The following AZIN1 variants were observed in gnomAD, a reference collection of about 807,000 sequenced individuals.
AZIN1 encodes ornithine decarboxylase antizyme inhibitor.
A neutral mutation model predicts 47.4 loss-of-function variants in AZIN1; 12 were observed. The observed-to-expected ratio is 0.25, with a 90% CI of 0.16 to 0.41. The LOEUF is 0.41. AZIN1 is among the 10% of genes least tolerant of loss of function. AZIN1 has a pLI of 1.00. For synonymous variants in AZIN1, 155 were observed against 176.3 expected, an observed-to-expected ratio of 0.88 and a Z score of 0.96; for missense variants, 410 against 532.4, an observed-to-expected ratio of 0.77 and a Z score of 2.26.
At chr8:102,845,904 A>AT (rs1361161041) in intron 2 of AZIN1, among the ~76,000 whole-genome samples, 2 of 152,064 alleles carry the variant, frequency 1.3e-5, no homozygotes, top group Admixed American at 6.6e-5. Flanking sequence ...AAACGAAACC[A>AT]TTTTTTTTCT....
At chr8:102,838,643 A>G in intron 5 of AZIN1, 101 bp downstream of exon 5, 1 of 924,388 alleles carries the variant, frequency 1.1e-6, no homozygotes, top group Non-Finnish European at 1.6e-6. Flanking sequence ...TATGATACAC[A>G]TCATTGCCCT....
rs961033519 is a variant in AZIN1 at position 102,831,253 on chromosome 8, TCATAAA to T, written c.905-1323_905-1318del. Reference sequence around the variant, plus strand: ...TGAATAAAGATCTATGAGTCTAAACTCATAAACAGGAGGGAAGGAAAAGATATTCTT... The same window carrying T: ...TGAATAAAGATCTATGAGTCTAAACTCAGGAGGGAAGGAAAAGATATTCTT... On this transcript the variant is annotated intron_variant, in intron 9 of 11. Coordinates refer to ENST00000337198, the MANE Select transcript of AZIN1 (RefSeq NM_148174.4). Among the ~76,000 whole-genome samples, 4 of 151,724 alleles carry T rather than the reference TCATAAA, an allele frequency of 2.6e-5. No individual in the cohort carries two copies. The East Asian group carries it at 7.7e-4, about 29-fold the overall frequency.
At chr8:102,862,915 C>A (rs1813792895) in intron 1 of AZIN1, among the ~76,000 whole-genome samples, 1 of 152,266 alleles carries the variant, frequency 6.6e-6, no homozygotes, top group Non-Finnish European at 1.5e-5. Context: ...CATGTTACCA[C>A]CACCAACTGT....
intron 2 of AZIN1, among the ~76,000 whole-genome samples, chr8:102,844,285 T>C (rs972387895): frequency 8.6e-5 from 13 of 151,850 alleles, no homozygotes; most frequent in Admixed American, 5.9e-4. Context: ...GGCCGGTAGA[T>C]TGCATGAGCC....
chr8:102,857,035 G>A (rs1813337410), intron 2 of AZIN1, among the ~76,000 whole-genome samples: 1 of 152,198 alleles, frequency 6.6e-6, no homozygotes, highest in Non-Finnish European at 1.5e-5. Flanking sequence ...TGTTATAGCT[G>A]GGATTCACAT....
At chr8:102,847,229 A>G (rs892170556) in intron 2 of AZIN1, among the ~76,000 whole-genome samples, 3 of 152,102 alleles carry the variant, frequency 2.0e-5, no homozygotes, top group African/African-American at 7.2e-5. Flanking sequence ...GTTTTCTTTC[A>G]TTATACAGAG....
At chr8:102,830,112 G>A in intron 9 of AZIN1, 176 bp from the exon 10 acceptor site, 1 of 523,188 alleles carries the variant, frequency 1.9e-6, no homozygotes, top group Non-Finnish European at 3.4e-6. Flanking sequence ...AGGGCTGGAT[G>A]CGGTGGCTCA....
At chr8:102,864,180 CG>C (rs1215519606), upstream of AZIN1, 2 of 181,856 alleles carry the variant, frequency 1.1e-5, no homozygotes, top group African/African-American at 4.8e-5. Context: ...GCGGCGCCAG[CG>C]ACGCCAGTAT....
intron 10 of AZIN1, 140 bp downstream of exon 10, chr8:102,829,680 TC>T: frequency 1.2e-6 from 1 of 815,630 alleles, no homozygotes. Context: ...AAAAAGGGAC[TC>T]CACCAGAAGA....
rs375544784 is a variant in AZIN1, at chr8:102,828,555, G to A, written c.*12C>T. The A allele has an allele frequency of 2.9e-5, 46 of 1,570,282 alleles. No homozygotes were observed. The highest frequency in any genetic ancestry group is 8.1e-5 in the African/African-American group (6 of 74,066). On this transcript the variant is annotated 3_prime_UTR_variant, in exon 12 of 12. Coordinates refer to ENST00000337198, the MANE Select transcript of AZIN1 (RefSeq NM_148174.4). ...CCTGCAACTTCAGATCTAAAGAAGC[G>A]TTAATGCCTGTTTAAGCTTCAGCGG...
At chr8:102,828,917 G>A (rs1051465516) in intron 11 of AZIN1, among the ~76,000 whole-genome samples, 11 of 152,134 alleles carry the variant, frequency 7.2e-5, no homozygotes, top group African/African-American at 2.4e-4. Flanking sequence ...TCGTTACATC[G>A]CAGCAATCAT....
chr8:102,834,172 TCTA>T lies in AZIN1; in HGVS notation c.741+14_741+16del. 1 of 1,600,166 alleles carries T rather than the reference TCTA, an allele frequency of 6.2e-7. No individual in the cohort carries two copies. Among genetic ancestry groups the T allele is most frequent in the Non-Finnish European group, 8.6e-7 (1 of 1,168,864 alleles). ...GAAAGCAATTATTCTGTTAATGTCA[TCTA>T]CTGAGAAGTTTACCTCTTCCAATTG... On this transcript the variant is annotated intron_variant, in intron 8 of 11. Transcript: ENST00000337198.
intron 1 of AZIN1, among the ~76,000 whole-genome samples, chr8:102,862,496 G>C (rs112575891): frequency 6.6e-6 from 1 of 151,978 alleles, no homozygotes; most frequent in African/African-American, 2.4e-5. Context: ...ACTCCTTGGG[G>C]CTTATTTCTA....
chr8:102,836,060 A>C (rs1433095554), intron 6 of AZIN1, among the ~76,000 whole-genome samples, 196 bp downstream of exon 6: 1 of 152,330 alleles, frequency 6.6e-6, no homozygotes, highest in East Asian at 1.9e-4. Context: ...TACAGTCACA[A>C]AACAGTATGA....
At chr8:102,847,376 A>G (rs1812635526) in intron 2 of AZIN1, among the ~76,000 whole-genome samples, 1 of 150,668 alleles carries the variant, frequency 6.6e-6, no homozygotes, top group Non-Finnish European at 1.5e-5. Flanking sequence ...AAAACAATAA[A>G]GCTCTAATGG....
chr8:102,861,339 T>C (rs1437497854), intron 1 of AZIN1, among the ~76,000 whole-genome samples: 1 of 151,944 alleles, frequency 6.6e-6, no homozygotes, highest in African/African-American at 2.4e-5. Flanking sequence ...GCGATTCTCC[T>C]GACTCAGCCT....
chr8:102,834,198 T>G lies in AZIN1; in HGVS notation c.732A>C (p.Gln244His). 1.2e-6 allele frequency: 2 copies of G among 1,612,636 alleles called. No individual in the cohort carries two copies. The highest frequency in any genetic ancestry group is 1.1e-5 in the South Asian group (1 of 91,028). Residue 244 changes from glutamine (Q) to histidine (H), a missense_variant, in exon 8 of 12, where the codon CAA becomes CAC. Transcript: ENST00000337198. ...CTACTGAGAAGTTTACCTCTTCCAA[T>G]TGAAATTCAGTTCCCGTGAATCCTC... Reference protein sequence around the residue: ...IGGGFTGTEFQLEEVNHVISP... With the variant: ...IGGGFTGTEFHLEEVNHVISP...
rs904887562 is a variant in AZIN1 at position 102,826,376 on chromosome 8, T to A, written c.*2191A>T. On this transcript the variant is annotated 3_prime_UTR_variant, in exon 12 of 12. Transcript: ENST00000337198. ...AAAACATGAGGAATAAAAACATTTA[T>A]CTATGTATTCAGAATCACACACAAG... is the stretch of plus-strand genomic sequence containing the variant. The A allele has an allele frequency of 2.6e-5, 4 of 152,782 alleles. No individual in the cohort carries two copies. The highest frequency in any genetic ancestry group is 9.6e-5 in the African/African-American group (4 of 41,580). 9.5% of individuals were successfully genotyped at this position (152,782 alleles called of 1,614,324 possible).
chr8:102,846,113 C>T (rs1812553693), intron 2 of AZIN1, among the ~76,000 whole-genome samples: 2 of 152,102 alleles, frequency 1.3e-5, no homozygotes, highest in African/African-American at 4.8e-5. Flanking sequence ...TGATTATAAA[C>T]GACAACACAC....
Sources: gnomAD v4.1 joint callset for allele counts (sites outside exome capture counted in the v4.1 genomes callset) on GRCh38, gnomAD v4.1.1 for gene constraint, MANE v1.5 for transcripts, NCBI Gene and HGNC (gene_info 2026-07-23, HGNC 2026-07-21) for gene names.